The following TOR1AIP2 variants were observed in gnomAD, a reference collection of about 807,000 sequenced individuals.
The protein encoded by TOR1AIP2 is torsin-1A-interacting protein 2.
A neutral mutation model predicts 32.6 loss-of-function variants in TOR1AIP2; 20 were observed. That is an observed-to-expected ratio of 0.61 (90% CI 0.43 to 0.89). The LOEUF (loss-of-function observed/expected upper bound fraction) is 0.89. Among genes scored for constraint, TOR1AIP2 ranks in the 40% least tolerant of loss-of-function variants. The pLI is 0.00. For missense variants in TOR1AIP2, 456 were observed against 553.8 expected (o/e 0.82, Z 1.77); for synonymous variants, 214 against 210.8 (o/e 1.02, Z -0.13).
intron 3 of TOR1AIP2, among the ~76,000 whole-genome samples, chr1:179,853,505 AAAAC>A (rs1387045268): frequency 6.6e-6 from 1 of 152,196 alleles, no homozygotes; most frequent in African/African-American, 2.4e-5. Context: ...TTTTTTGTCA[AAAAC>A]AAATTGATCA....
rs770556844 is a variant in TOR1AIP2, at chr1:179,846,605, T to C, written c.879A>G (p.Pro293=). The change falls in exon 7 of 7, where the codon CCA becomes CCG. Residue 293 remains proline (P), a synonymous_variant. Coordinates refer to ENST00000609928, the MANE Select transcript of TOR1AIP2 (RefSeq NM_001199260.2). ...GAGCTGCTGTAAATATGATGGTGGC[T>C]GGCTCAGTGGGGTTGGAAGCATTGA... is the stretch of plus-strand genomic sequence containing the variant. ...KHLNASNPTE[P]ATIIFTAARE... 3.1e-6 allele frequency: 5 copies of C among 1,614,168 alleles called. No individual in the cohort carries two copies. Among genetic ancestry groups the C allele is most frequent in the Non-Finnish European group, 4.2e-6 (5 of 1,179,994 alleles).
At chr1:179,867,256 A>G (rs1312757407) in intron 2 of TOR1AIP2, among the ~76,000 whole-genome samples, 1 of 152,244 alleles carries the variant, frequency 6.6e-6, no homozygotes, top group Non-Finnish European at 1.5e-5. Flanking sequence ...TCAAGTAGAC[A>G]TACTGATGTG....
chr1:179,865,387 T>C (rs748121375), intron 3 of TOR1AIP2, 49 bp downstream of exon 3: 334 of 592,046 alleles, frequency 5.6e-4, no homozygotes, highest in Non-Finnish European at 8.5e-4. Flanking sequence ...TGCAACTCAG[T>C]CTCTGAACTC....
At position 179,841,813 on chromosome 1, in the gene TOR1AIP2, G is replaced by A. The variant is rs1467426020; in HGVS notation, c.*4258C>T. 1 of 152,208 alleles carries A rather than the reference G, an allele frequency of 6.6e-6. No individual in the cohort carries two copies. Among genetic ancestry groups the A allele is most frequent in the Non-Finnish European group, 1.5e-5 (1 of 68,046 alleles). 9.4% of individuals were successfully genotyped at this position (152,208 alleles called of 1,614,324 possible). ...AATGCAGTGTTGGTGAAGATCATCT[G>A]AATAATGATCACTTTCACATGCCAT... is the stretch of plus-strand genomic sequence containing the variant. On this transcript the variant is annotated 3_prime_UTR_variant, in exon 7 of 7. Coordinates refer to ENST00000609928, the MANE Select transcript of TOR1AIP2 (RefSeq NM_001199260.2).
intron 3 of TOR1AIP2, 86 bp downstream of exon 3, chr1:179,865,350 G>A (rs1207169192): frequency 1.3e-6 from 1 of 756,472 alleles, no homozygotes; most frequent in African/African-American, 1.8e-5. Context: ...AATTCTTCAA[G>A]ATTTCGTTGT....
At chr1:179,855,047 T>G (rs1429721409) in intron 3 of TOR1AIP2, among the ~76,000 whole-genome samples, 1 of 152,178 alleles carries the variant, frequency 6.6e-6, no homozygotes, top group Non-Finnish European at 1.5e-5. Context: ...TGGGGACAAC[T>G]GACTATTCAA....
intron 3 of TOR1AIP2, among the ~76,000 whole-genome samples, chr1:179,853,704 C>G (rs1696198961): frequency 6.6e-6 from 1 of 152,126 alleles, no homozygotes; most frequent in African/African-American, 2.4e-5. Context: ...TTTAAATTTA[C>G]ACATTAAAAA....
chr1:179,848,180 C>CT, intron 5 of TOR1AIP2, among the ~76,000 whole-genome samples: 1 of 152,266 alleles, frequency 6.6e-6, no homozygotes, highest in South Asian at 2.1e-4. Context: ...CTTACTGCCT[C>CT]TTATATCAAA....
intron 2 of TOR1AIP2, among the ~76,000 whole-genome samples, chr1:179,871,813 C>A (rs1194533376): frequency 6.6e-6 from 1 of 152,042 alleles, no homozygotes; most frequent in African/African-American, 2.4e-5. Context: ...AAAGTGAAAT[C>A]TTAAGAGTTT....
intron 3 of TOR1AIP2, chr1:179,864,479 A>C: frequency 9.1e-7 from 1 of 1,097,388 alleles, no homozygotes; most frequent in South Asian, 3.5e-5. Flanking sequence ...TATGACACTC[A>C]TTAGGTTGCA....
In TOR1AIP2 at chr1:179,842,298, T is replaced by G. The variant is rs1273327995; in HGVS notation, c.*3773A>C. ...CTAAGAGAATGGTGGGTTACCAGCATGCTGAGCCTTATTAACCACCATACA... is the reference window on the plus strand; with the variant it reads ...CTAAGAGAATGGTGGGTTACCAGCAGGCTGAGCCTTATTAACCACCATACA... On this transcript the variant is annotated 3_prime_UTR_variant, in exon 7 of 7. Coordinates refer to ENST00000609928, the MANE Select transcript of TOR1AIP2 (RefSeq NM_001199260.2). 1 of 152,178 alleles carries G rather than the reference T, an allele frequency of 6.6e-6. No homozygotes were observed. The highest frequency in any genetic ancestry group is 1.5e-5 in the Non-Finnish European group (1 of 68,032). The allele number at this position is 152,178 out of a possible 1,614,324, so 9.4% of individuals were successfully genotyped here. A position where few individuals can be genotyped will look rare whatever the true frequency, so the allele number is the denominator to read the frequency against.
rs1401306997 is a variant in TOR1AIP2, at chr1:179,851,217, G to C, written c.181C>G (p.Pro61Ala). Residue 61 changes from proline to alanine, a missense_variant, in exon 5 of 7, where the codon CCA becomes GCA. Pro to Ala is a conservative substitution (Grantham distance 27). Coordinates refer to ENST00000609928, the MANE Select transcript of TOR1AIP2 (RefSeq NM_001199260.2). ...KDHQEVETEG[P>A]ESADTGDKSE... ...TTATCACCTGTATCTGCACTTTCTGGACCTTCTGTCTCTACCTCTTGGTGG... is the reference window on the plus strand; with the variant it reads ...TTATCACCTGTATCTGCACTTTCTGCACCTTCTGTCTCTACCTCTTGGTGG... The C allele has an allele frequency of 4.3e-6, 7 of 1,613,448 alleles. No individual in the cohort carries two copies. Among genetic ancestry groups the C allele is most frequent in the African/African-American group, 1.3e-5 (1 of 74,780 alleles).
At position 179,844,289 on chromosome 1, in the gene TOR1AIP2, A is replaced by G. The variant is rs1409585429; in HGVS notation, c.*1782T>C. ...CTTGGAAGCTTCCTTCGAAGTCCCA[A>G]ATGCAAATTCTTCCTTCAGGTATGC... On this transcript the variant is annotated 3_prime_UTR_variant, in exon 7 of 7. Coordinates refer to ENST00000609928, the MANE Select transcript of TOR1AIP2 (RefSeq NM_001199260.2). 1 of 152,162 alleles carries G rather than the reference A, an allele frequency of 6.6e-6. No homozygotes were observed. Among genetic ancestry groups the G allele is most frequent in the Non-Finnish European group, 1.5e-5 (1 of 68,038 alleles). The allele number at this position is 152,162 out of a possible 1,614,324, so 9.4% of individuals were successfully genotyped here. A position where few individuals can be genotyped will look rare whatever the true frequency, so the allele number is the denominator to read the frequency against.
intron 2 of TOR1AIP2, among the ~76,000 whole-genome samples, chr1:179,869,551 A>C (rs79738214): frequency 7.1e-4 from 108 of 152,380 alleles, no homozygotes; most frequent in Non-Finnish European, 1.5e-3. Context: ...GGACAAGACC[A>C]GTAGCAGTTA....
chr1:179,858,360 T>C (rs59961638), intron 3 of TOR1AIP2, among the ~76,000 whole-genome samples: 2,437 of 152,148 alleles, frequency 0.016, 78 homozygotes, highest in African/African-American at 0.055. Flanking sequence ...AAAGGATACA[T>C]ATCAACTTCC....
chr1:179,866,130 G>A lies in TOR1AIP2; in HGVS notation c.-565-276C>T, dbSNP rs979121669. 5.3e-5 allele frequency among the ~76,000 whole-genome samples: 8 copies of A among 152,098 alleles called. No individual in the cohort carries two copies. In the East Asian group the frequency reaches 5.8e-4, roughly 11 times the overall value. On this transcript the variant is annotated intron_variant, in intron 2 of 6. Transcript: ENST00000609928. ...GGAATAATAAGGTCTGTATAATCAC[G>A]TCTAACCTGGTAAAACTTAGCGATC...
chr1:179,859,371 AC>A (rs1696425913), intron 3 of TOR1AIP2: 1 of 974,058 alleles, frequency 1.0e-6, no homozygotes. Flanking sequence ...ACACGTGACT[AC>A]TGAGGGCAGT....
intron 5 of TOR1AIP2, among the ~76,000 whole-genome samples, chr1:179,847,969 G>A (rs1465294003): frequency 6.7e-6 from 1 of 150,004 alleles, no homozygotes; most frequent in Non-Finnish European, 1.5e-5. Flanking sequence ...GGAGGTGGAG[G>A]TTGCAGTGAG....
intron 3 of TOR1AIP2, among the ~76,000 whole-genome samples, chr1:179,857,814 C>T (rs150772930): frequency 1.3e-5 from 2 of 152,166 alleles, no homozygotes; most frequent in East Asian, 1.9e-4. Context: ...ATAAAGCATA[C>T]ACAACTATAA....
Sources: allele counts gnomAD v4.1 joint callset (sites outside exome capture counted in the v4.1 genomes callset), GRCh38; gene constraint gnomAD v4.1.1; transcripts MANE v1.5; gene names NCBI Gene and HGNC (gene_info 2026-07-23, HGNC 2026-07-21).